Variants in ARHGAP19 observed in about 807,000 individuals in gnomAD.
The protein encoded by ARHGAP19 is rho GTPase-activating protein 19.
ARHGAP19 carries 48 observed loss-of-function variants against 60.9 expected under a neutral mutation model. The ratio of observed to expected loss-of-function variants is 0.79; its 90% CI spans 0.62 to 1.00. The LOEUF (loss-of-function observed/expected upper bound fraction) is 1.00, where lower values mean the gene tolerates loss of function less well. Ranked by LOEUF, ARHGAP19 falls within the 50% of genes least tolerant of loss-of-function variation. The pLI is 0.00. For synonymous variants in ARHGAP19, 209 were observed against 215.5 expected (o/e 0.97, Z 0.27); for missense variants, 562 against 597.2 (o/e 0.94, Z 0.61).
intron 11 of ARHGAP19, among the ~76,000 whole-genome samples, chr10:97,228,802 A>T (rs968765275): frequency 3.9e-5 from 6 of 152,148 alleles, no homozygotes; most frequent in Non-Finnish European, 8.8e-5. Context: ...CCATAAGCAT[A>T]CTCCCAGCAC....
At chr10:97,226,963 T>C (rs1439659897) in intron 11 of ARHGAP19, among the ~76,000 whole-genome samples, 2 of 152,154 alleles carry the variant, frequency 1.3e-5, no homozygotes, top group Admixed American at 6.5e-5. Context: ...CATGGGACAT[T>C]TGGCAATGTC....
chr10:97,270,496 T>C (rs1020840251), intron 1 of ARHGAP19: 14 of 753,094 alleles, frequency 1.9e-5, no homozygotes, highest in Admixed American at 1.2e-4. Flanking sequence ...AAGAAATGTA[T>C]AGGACTAAAG....
chr10:97,230,845 C>T (rs1295159667), intron 9 of ARHGAP19, among the ~76,000 whole-genome samples: 2 of 151,982 alleles, frequency 1.3e-5, no homozygotes, highest in Admixed American at 1.3e-4. Context: ...GCGGGTGAAT[C>T]GCTGGAGGCC....
intron 1 of ARHGAP19, among the ~76,000 whole-genome samples, chr10:97,292,109 A>C (rs1328314757): frequency 7.0e-6 from 1 of 142,152 alleles, no homozygotes; most frequent in Admixed American, 7.0e-5. Context: ...AAGAAACTGA[A>C]GTCGAGAGAG....
At chr10:97,287,575 C>T (rs1187887684) in intron 1 of ARHGAP19, among the ~76,000 whole-genome samples, 1 of 151,978 alleles carries the variant, frequency 6.6e-6, no homozygotes, top group African/African-American at 2.4e-5. Context: ...GACTCAGTCT[C>T]TAGAATAAAT....
intron 6 of ARHGAP19, among the ~76,000 whole-genome samples, chr10:97,251,251 G>A (rs143888999): frequency 0.07 from 214 of 3,070 alleles, 3 homozygotes; most frequent in Non-Finnish European, 0.11. Context: ...AGGGAAGGGG[G>A]AGGGAAGGGG....
At chr10:97,290,595 C>T (rs1429753024) in intron 1 of ARHGAP19, among the ~76,000 whole-genome samples, 2 of 152,122 alleles carry the variant, frequency 1.3e-5, no homozygotes, top group Admixed American at 1.3e-4. Flanking sequence ...ATCTTAGAAG[C>T]GGCTGGCCAC....
In ARHGAP19 at chr10:97,231,217, G is replaced by A. The variant is rs144901978; in HGVS notation, c.1285-1343C>T. ...AAGAAAAAAACAAGAGTAAACTAAC[G>A]ATGTTCGTTTTACTAGCCCTGTCTA... On this transcript the variant is annotated intron_variant, in intron 9 of 11. Coordinates refer to ENST00000358531, the MANE Select transcript of ARHGAP19 (RefSeq NM_032900.6). Among the ~76,000 whole-genome samples, 9 of 152,070 alleles carry A rather than the reference G, an allele frequency of 5.9e-5. No individual in the cohort carries two copies. In the East Asian group the frequency reaches 1.3e-3, roughly 23 times the overall value.
intron 1 of ARHGAP19, among the ~76,000 whole-genome samples, chr10:97,269,842 C>A (rs760615817): frequency 6.6e-6 from 1 of 152,132 alleles, no homozygotes; most frequent in Admixed American, 6.6e-5. Flanking sequence ...CACATACATA[C>A]CTAAAACTTA....
chr10:97,276,859 C>A (rs1269965801), intron 1 of ARHGAP19, among the ~76,000 whole-genome samples: 1 of 10,130 alleles, frequency 9.9e-5, no homozygotes, highest in African/African-American at 1.2e-4. Flanking sequence ...CCCGGCCAGC[C>A]GCCCCGTCCG....
At position 97,244,050 on chromosome 10, in the gene ARHGAP19, T is replaced by C. The variant is rs773840412; in HGVS notation, c.1103A>G (p.His368Arg). ...SCPHQEETQH[H>R]TEEALRELFQ... The stretch of plus-strand genomic sequence containing the variant: ...CAGCTCTCTCAGTGCCTCTTCCGTA[T>C]GGTGCTGGGTCTCCTCCTGGTGAGG... The change falls in exon 8 of 12, where the codon CAT becomes CGT. Residue 368 changes from histidine to arginine, a missense_variant. Coordinates refer to ENST00000358531, the MANE Select transcript of ARHGAP19 (RefSeq NM_032900.6). 1.2e-6 allele frequency: 2 copies of C among 1,614,000 alleles called. No individual in the cohort carries two copies. The highest frequency in any genetic ancestry group is 1.7e-5 in the Admixed American group (1 of 59,972).
chr10:97,231,303 G>A lies in ARHGAP19; in HGVS notation c.1285-1429C>T, dbSNP rs191745953. On this transcript the variant is annotated intron_variant, in intron 9 of 11. Transcript: ENST00000358531. ...GATTTTTTTTAAACAATGATAAAAT[G>A]AACATAACATAAAATTTACTATTTT... Among the ~76,000 whole-genome samples, 422 of 151,992 alleles carry A rather than the reference G, an allele frequency of 2.8e-3. 2 individuals are homozygous for A. Among genetic ancestry groups the A allele is most frequent in the African/African-American group, 9.0e-3 (371 of 41,428 alleles).
At chr10:97,261,790 C>T (rs1842832227) in intron 4 of ARHGAP19, among the ~76,000 whole-genome samples, 1 of 152,098 alleles carries the variant, frequency 6.6e-6, no homozygotes, top group African/African-American at 2.4e-5. Context: ...TAAGCAACTG[C>T]AGTAATGGAT....
intron 1 of ARHGAP19, chr10:97,278,088 T>G (rs561277770): frequency 6.5e-6 from 1 of 153,378 alleles, no homozygotes; most frequent in East Asian, 1.9e-4. Context: ...AGAAACAAAC[T>G]TATACTCTGT....
Position 97,278,525 on chromosome 10 carries a change from T to C in ARHGAP19, c.57-12400A>G, listed in dbSNP as rs143237847. ...TCAAGATATAACTCAGTGAACAGAA[T>C]TGAGAAGAGTGTGCCAAATGAGTAT... On this transcript the variant is annotated intron_variant, in intron 1 of 11. Coordinates refer to ENST00000358531, the MANE Select transcript of ARHGAP19 (RefSeq NM_032900.6). 4.5e-3 allele frequency among the ~76,000 whole-genome samples: 679 copies of C among 152,300 alleles called. 7 individuals carry two copies. Among genetic ancestry groups the C allele is most frequent in the African/African-American group, 0.016 (649 of 41,576 alleles).
intron 6 of ARHGAP19, among the ~76,000 whole-genome samples, chr10:97,247,956 G>A (rs1385793827): frequency 7.1e-6 from 1 of 140,678 alleles, no homozygotes; most frequent in Admixed American, 8.2e-5. Context: ...ATCTTTTAAT[G>A]TGGTTTTGAC....
At chr10:97,273,790 A>C (rs1037408891) in intron 1 of ARHGAP19, among the ~76,000 whole-genome samples, 1 of 152,110 alleles carries the variant, frequency 6.6e-6, no homozygotes. Context: ...CACCCGACCC[A>C]CAACATTATT....
intron 2 of ARHGAP19, chr10:97,265,408 AG>A (rs1842885126): frequency 5.6e-6 from 1 of 177,654 alleles, no homozygotes; most frequent in South Asian, 1.3e-4. Context: ...CTGAAACAGA[AG>A]GAGAGTTTGA....
At chr10:97,243,461 C>T (rs1842518274) in intron 8 of ARHGAP19, among the ~76,000 whole-genome samples, 1 of 152,188 alleles carries the variant, frequency 6.6e-6, no homozygotes, top group Non-Finnish European at 1.5e-5. Flanking sequence ...TTCCTACTTT[C>T]TAGTATCAGA....
Sources: allele counts gnomAD v4.1 joint callset (sites outside exome capture counted in the v4.1 genomes callset), GRCh38; gene constraint gnomAD v4.1.1; transcripts MANE v1.5; gene names NCBI Gene and HGNC (gene_info 2026-07-23, HGNC 2026-07-21).